FUT8: variants seen among roughly 807,000 people sequenced by gnomAD.
The protein encoded by FUT8 is alpha-(1,6)-fucosyltransferase.
FUT8 carries 29 observed loss-of-function variants against 71.3 expected under a neutral mutation model. The observed-to-expected ratio is 0.41, with a 90% CI of 0.30 to 0.55. The LOEUF is 0.55. Among genes scored for constraint, FUT8 ranks in the 20% least tolerant of loss-of-function variants. FUT8 has a pLI of 0.34. For missense variants in FUT8, 544 were observed against 702.1 expected (o/e 0.77, Z 2.55); for synonymous variants, 254 against 239.3 (o/e 1.06, Z -0.57).
At chr14:65,499,115 A>G (rs546413116) in intron 2 of FUT8, among the ~76,000 whole-genome samples, 1 of 152,256 alleles carries the variant, frequency 6.6e-6, no homozygotes, top group South Asian at 2.1e-4. Flanking sequence ...ATCTCACTGT[A>G]TGTTGCCCAG....
chr14:65,434,150 A>G (rs2065519228), intron 1 of FUT8, among the ~76,000 whole-genome samples: 1 of 152,260 alleles, frequency 6.6e-6, no homozygotes, highest in South Asian at 2.1e-4. Flanking sequence ...AAAAACAACA[A>G]TTCTAAAATG....
intron 2 of FUT8, among the ~76,000 whole-genome samples, chr14:65,512,632 C>T (rs1051625738): frequency 7.9e-5 from 12 of 151,310 alleles, no homozygotes; most frequent in East Asian, 5.9e-4. Context: ...ATATTTTTGC[C>T]GGCTGTGGTG....
chr14:65,565,159 CTT>C, intron 3 of FUT8, among the ~76,000 whole-genome samples: 1 of 152,012 alleles, frequency 6.6e-6, no homozygotes, highest in East Asian at 1.9e-4. Flanking sequence ...GGAAGCCAGA[CTT>C]TTTTAAACAA....
chr14:65,676,136 CTAT>C (rs1892707133), intron 7 of FUT8, among the ~76,000 whole-genome samples: 1 of 152,140 alleles, frequency 6.6e-6, no homozygotes, highest in Non-Finnish European at 1.5e-5. Context: ...AAAAAATAGT[CTAT>C]TACCAAGAAT....
intron 8 of FUT8, among the ~76,000 whole-genome samples, chr14:65,723,616 G>C (rs1408821451): frequency 1.3e-5 from 2 of 152,188 alleles, no homozygotes; most frequent in African/African-American, 4.8e-5. Context: ...TGCTGTAAAA[G>C]TTTATCCAGG....
At chr14:65,401,149 G>A in the FUT8 span, among the ~76,000 whole-genome samples, 1 of 152,100 alleles carries the variant, frequency 6.6e-6, no homozygotes, top group Non-Finnish European at 1.5e-5. Context: ...AACACACGGG[G>A]GAATTTGCAA....
At chr14:65,388,079 T>A in the FUT8 span, among the ~76,000 whole-genome samples, 1 of 152,232 alleles carries the variant, frequency 6.6e-6, no homozygotes, top group Admixed American at 6.5e-5. Flanking sequence ...TGTGATTTTA[T>A]AAGTAAGCAC....
At position 65,489,482 on chromosome 14, in the gene FUT8, TA is replaced by T. The variant is rs1331359870; in HGVS notation, c.-228+33771del. 6.6e-6 allele frequency among the ~76,000 whole-genome samples: 1 copy of T among 152,202 alleles called. No homozygotes were observed. Among genetic ancestry groups the T allele is most frequent in the South Asian group, 2.1e-4 (1 of 4,822 alleles). On this transcript the variant is annotated intron_variant, in intron 2 of 10. Transcript: ENST00000673929. This position sits in a 1 kb window ranked among gnomAD's most constrained non-coding sequence, Gnocchi z 4.0. ...CCAGGGATAAAACATAACATGCAAT[TA>T]AAAAAATTTCAGCCATTGAGAATGT...
intron 7 of FUT8, among the ~76,000 whole-genome samples, chr14:65,717,653 C>T (rs139347761): frequency 0.023 from 3,318 of 144,026 alleles, 124 homozygotes; most frequent in African/African-American, 0.082. Flanking sequence ...CGGGCAGAGG[C>T]GCTCCCCATT....
At chr14:65,417,365 A>C (rs148637802) in intron 1 of FUT8, among the ~76,000 whole-genome samples, 1 of 152,302 alleles carries the variant, frequency 6.6e-6, no homozygotes, top group East Asian at 1.9e-4. Flanking sequence ...TCCATTTGGA[A>C]TAATGGGAAA....
intron 2 of FUT8, among the ~76,000 whole-genome samples, chr14:65,541,211 A>G (rs188749129): frequency 6.6e-6 from 1 of 152,304 alleles, no homozygotes; most frequent in East Asian, 1.9e-4. Context: ...ATATTCTTTT[A>G]CTTGTTAATA....
At chr14:65,465,462 G>A (rs924446684) in intron 2 of FUT8, among the ~76,000 whole-genome samples, 1 of 152,112 alleles carries the variant, frequency 6.6e-6, no homozygotes, top group Non-Finnish European at 1.5e-5. Context: ...ATGAGCCACT[G>A]TGCCCGGCCA....
Position 65,641,137 on chromosome 14 carries a change from C to T in FUT8, c.597+11531C>T, listed in dbSNP as rs558757294. 3.9e-5 allele frequency among the ~76,000 whole-genome samples: 6 copies of T among 152,296 alleles called. No homozygotes were observed. The South Asian group carries it at 6.2e-4, about 16-fold the overall frequency. ...CAAGATAGTGAACTTATTTAACACT[C>T]TGAAGTGTGCTCATGTCCGTTTGTG... On this transcript the variant is annotated intron_variant, in intron 6 of 10. Coordinates refer to ENST00000673929, the MANE Select transcript of FUT8 (RefSeq NM_001371533.1).
rs952591983 is a variant in FUT8, at chr14:65,603,377, C to T, written c.204-12601C>T. Among the ~76,000 whole-genome samples the T allele has an allele frequency of 5.9e-5, 9 of 151,584 alleles. No individual in the cohort carries two copies. Among genetic ancestry groups the T allele is most frequent in the African/African-American group, 1.9e-4 (8 of 41,334 alleles). ...ACTACCACACTGTTTCGGTGACTTACGGCCGTATAGTATGGTTTGAAATCA... is the reference window on the plus strand; with the variant it reads ...ACTACCACACTGTTTCGGTGACTTATGGCCGTATAGTATGGTTTGAAATCA... On this transcript the variant is annotated intron_variant, in intron 3 of 10. Transcript: ENST00000673929. The surrounding 1 kb of genome is among the most constrained non-coding windows in gnomAD (Gnocchi z 4.5).
intron 6 of FUT8, among the ~76,000 whole-genome samples, chr14:65,635,022 A>C (rs1456392794): frequency 6.6e-6 from 1 of 152,100 alleles, no homozygotes; most frequent in Non-Finnish European, 1.5e-5. Flanking sequence ...ACTATTTTGT[A>C]GTTCTCCTTG....
At chr14:65,723,324 TA>T (rs71126786) in intron 8 of FUT8, among the ~76,000 whole-genome samples, 66,076 of 147,752 alleles carry the variant, frequency 0.45, 15,839 homozygotes, top group Non-Finnish European at 0.55. Flanking sequence ...GACCTTGTCT[TA>T]AAAAAAAAAA....
intron 5 of FUT8, among the ~76,000 whole-genome samples, chr14:65,628,113 T>C (rs1416008441): frequency 6.6e-6 from 1 of 152,096 alleles, no homozygotes; most frequent in Non-Finnish European, 1.5e-5. Flanking sequence ...GCCATGTGAA[T>C]AGATATCTGA....
chr14:65,366,469 G>T, the FUT8 span, among the ~76,000 whole-genome samples: 1 of 152,146 alleles, frequency 6.6e-6, no homozygotes, highest in Non-Finnish European at 1.5e-5. Context: ...GCGGAGAAAA[G>T]AAATCCTGTC....
At chr14:65,491,464 G>A (rs2066481483) in intron 2 of FUT8, among the ~76,000 whole-genome samples, 1 of 152,092 alleles carries the variant, frequency 6.6e-6, no homozygotes, top group African/African-American at 2.4e-5. Context: ...TCTCATGTGA[G>A]TCCAGTGGGA....
Sources: gnomAD v4.1 joint callset for allele counts (sites outside exome capture counted in the v4.1 genomes callset) on GRCh38, gnomAD v4.1.1 for gene constraint, Gnocchi (gnomAD v3.1) non-coding constraint, MANE v1.5 for transcripts, NCBI Gene and HGNC (gene_info 2026-07-23, HGNC 2026-07-21) for gene names.